Variants in PEX7 observed in about 807,000 individuals in gnomAD.
PEX7 encodes the protein peroxisomal biogenesis factor 7, also known as PTS2 receptor.
A neutral mutation model predicts 47.5 loss-of-function variants in PEX7; 34 were observed. That is an observed-to-expected ratio of 0.72 (90% CI 0.54 to 0.95). PEX7 has a LOEUF of 0.95. Among genes scored for constraint, PEX7 ranks in the 40% least tolerant of loss-of-function variants. The pLI is 0.00. For missense variants in PEX7, 394 were observed against 400.3 expected (o/e 0.98, Z 0.13); for synonymous variants, 141 against 148.8 (o/e 0.95, Z 0.38).
chr6:136,886,853 G>GTC (rs1775475350), intron 8 of PEX7, among the ~76,000 whole-genome samples: 1 of 152,090 alleles, frequency 6.6e-6, no homozygotes, highest in Non-Finnish European at 1.5e-5. Flanking sequence ...AGGAATTCGA[G>GTC]ACCAGCCTGG....
intron 8 of PEX7, among the ~76,000 whole-genome samples, chr6:136,892,422 T>C (rs140941475): frequency 4.5e-4 from 68 of 152,332 alleles, no homozygotes; most frequent in African/African-American, 1.4e-3. Context: ...TGGTGCCATC[T>C]TTTTTAGTAG....
At chr6:136,874,562 C>T (rs1001504834) in intron 8 of PEX7, among the ~76,000 whole-genome samples, 18 of 151,146 alleles carry the variant, frequency 1.2e-4, no homozygotes, top group African/African-American at 4.4e-4. Context: ...ATCCCAGCTA[C>T]TTGGGAGGCT....
chr6:136,908,156 T>A (rs1326991714), intron 9 of PEX7, among the ~76,000 whole-genome samples: 1 of 152,230 alleles, frequency 6.6e-6, no homozygotes, highest in African/African-American at 2.4e-5. Context: ...GACATAAATT[T>A]CTGTTCAGTT....
At chr6:136,892,414 G>C (rs1775571690) in intron 8 of PEX7, among the ~76,000 whole-genome samples, 1 of 152,178 alleles carries the variant, frequency 6.6e-6, no homozygotes, top group African/African-American at 2.4e-5. Flanking sequence ...AAAATGTATG[G>C]TGCCATCTTT....
intron 8 of PEX7, among the ~76,000 whole-genome samples, chr6:136,882,951 C>T (rs1049921049): frequency 6.6e-6 from 1 of 151,942 alleles, no homozygotes; most frequent in African/African-American, 2.4e-5. Context: ...GAGGTCTTAC[C>T]CTGGATCACT....
At chr6:136,861,344 A>C (rs545469778) in intron 5 of PEX7, among the ~76,000 whole-genome samples, 26 of 152,180 alleles carry the variant, frequency 1.7e-4, no homozygotes, top group African/African-American at 5.8e-4. Flanking sequence ...TGACCTTCCA[A>C]AGTGCTAGGA....
At position 136,845,537 on chromosome 6, in the gene PEX7, T is replaced by C. The variant is rs1582744536; in HGVS notation, c.340-78T>C. The C allele has an allele frequency of 3.6e-6, 3 of 832,050 alleles. No individual in the cohort carries two copies. In the South Asian group the frequency reaches 4.0e-5, roughly 11 times the overall value. The allele number at this position is 832,050 out of a possible 1,614,324, so 51.5% of individuals were successfully genotyped here. On this transcript the variant is annotated intron_variant, in intron 3 of 9. Transcript: ENST00000318471. ...AGTAAATTAGTTGTTCTGCCTCTCA[T>C]TGTTATGTAACAAGAGATAAAATGC...
chr6:136,846,117 T>A lies in PEX7; in HGVS notation c.462T>A (p.His154Gln). The change falls in exon 5 of 10, where the codon CAT becomes CAA. Residue 154 changes from histidine to glutamine, a missense_variant. By Grantham distance (24) the His-to-Gln change is conservative. Coordinates refer to ENST00000318471, the MANE Select transcript of PEX7 (RefSeq NM_000288.4). ...VGKSLCTFRGHESIIYSTIWS... is the reference protein window; with the variant it reads ...VGKSLCTFRGQESIIYSTIWS... Reference sequence around the variant, plus strand: ...AGTCTCTGTGCACCTTTAGAGGCCATGAAAGTATTATTTATAGCACAATCT... The same window carrying A: ...AGTCTCTGTGCACCTTTAGAGGCCAAGAAAGTATTATTTATAGCACAATCT... 1 of 1,613,712 alleles carries A rather than the reference T, an allele frequency of 6.2e-7. No individual in the cohort carries two copies. Among genetic ancestry groups the A allele is most frequent in the Non-Finnish European group, 8.5e-7 (1 of 1,179,678 alleles).
At chr6:136,895,632 C>G (rs1266853541) in intron 8 of PEX7, among the ~76,000 whole-genome samples, 1 of 152,230 alleles carries the variant, frequency 6.6e-6, no homozygotes. Flanking sequence ...TATGTTTCGT[C>G]CAGGGTTTTT....
intron 3 of PEX7, among the ~76,000 whole-genome samples, chr6:136,844,675 C>T (rs1774562641): frequency 6.6e-6 from 1 of 152,130 alleles, no homozygotes; most frequent in Admixed American, 6.5e-5. Context: ...CAGCCCCTGG[C>T]AAACACTACT....
chr6:136,856,183 C>T (rs968980504), intron 5 of PEX7, among the ~76,000 whole-genome samples: 1 of 150,842 alleles, frequency 6.6e-6, no homozygotes, highest in Non-Finnish European at 1.5e-5. Flanking sequence ...AACAGAATGA[C>T]TGTTTGCTTC....
At chr6:136,857,544 A>G (rs750809610) in intron 5 of PEX7, among the ~76,000 whole-genome samples, 2 of 152,234 alleles carry the variant, frequency 1.3e-5, no homozygotes, top group Non-Finnish European at 2.9e-5. Context: ...AGAAGCAGCT[A>G]GTGATGAAGA....
chr6:136,848,434 A>G (rs1774671152), intron 5 of PEX7, among the ~76,000 whole-genome samples: 1 of 152,194 alleles, frequency 6.6e-6, no homozygotes, highest in African/African-American at 2.4e-5. Flanking sequence ...TTTCAAAGGG[A>G]ATGCTTCCAG....
chr6:136,823,944 C>T (rs1287164253), intron 1 of PEX7, among the ~76,000 whole-genome samples: 1 of 152,210 alleles, frequency 6.6e-6, no homozygotes, highest in African/African-American at 2.4e-5. Context: ...TAGGTTCATT[C>T]TCGCTTTTGC....
chr6:136,908,377 A>G (rs546796121), intron 9 of PEX7, among the ~76,000 whole-genome samples: 54 of 152,342 alleles, frequency 3.5e-4, no homozygotes, highest in African/African-American at 1.3e-3. Context: ...ATCTTTTAAA[A>G]TAATAAGATT....
Position 136,855,726 on chromosome 6 carries a change from C to T in PEX7, c.526+9545C>T, listed in dbSNP as rs949294530. On this transcript the variant is annotated intron_variant, in intron 5 of 9. Transcript: ENST00000318471. ...TGTTTTCTCTGACAGGATACATGAC[C>T]ATGACAAACACCCAGTTTGCCTGAG... is the stretch of plus-strand genomic sequence containing the variant. 27 of 389,508 alleles carry T rather than the reference C, an allele frequency of 6.9e-5. 1 individual carries two copies. Among genetic ancestry groups the T allele is most frequent in the Admixed American group, 5.7e-5 (2 of 34,972 alleles). 24.1% of individuals were successfully genotyped at this position (389,508 alleles called of 1,614,324 possible).
rs989448254 is a variant in PEX7 at position 136,900,693 on chromosome 6, A to T, written c.903+2452A>T. ...CAACCAGCTTGATGGGATCCACGTC[A>T]TGTGCAGTCACCGCCAGCTGAGCCT... is the stretch of plus-strand genomic sequence containing the variant. On this transcript the variant is annotated intron_variant, in intron 9 of 9. Coordinates refer to ENST00000318471, the MANE Select transcript of PEX7 (RefSeq NM_000288.4). The surrounding 1 kb of genome is among the most constrained non-coding windows in gnomAD (Gnocchi z 4.2). 6 of 345,774 alleles carry T rather than the reference A, an allele frequency of 1.7e-5. No individual in the cohort carries two copies. The highest frequency in any genetic ancestry group is 1.1e-4 in the African/African-American group (5 of 45,664). The allele number at this position is 345,774 out of a possible 1,614,324, so 21.4% of individuals were successfully genotyped here.
At chr6:136,867,095 T>C (rs1775085599) in intron 6 of PEX7, among the ~76,000 whole-genome samples, 1 of 152,348 alleles carries the variant, frequency 6.6e-6, no homozygotes, top group East Asian at 1.9e-4. Flanking sequence ...GTTGAACTAT[T>C]GTAATTTGAT....
intron 5 of PEX7, among the ~76,000 whole-genome samples, chr6:136,857,822 G>A (rs2115195593): frequency 6.6e-6 from 1 of 152,270 alleles, no homozygotes; most frequent in South Asian, 2.1e-4. Context: ...AGCTCTGTGA[G>A]CATTACCTCT....
Sources: gnomAD v4.1 joint callset for allele counts (sites outside exome capture counted in the v4.1 genomes callset) on GRCh38, gnomAD v4.1.1 for gene constraint, Gnocchi (gnomAD v3.1) non-coding constraint, MANE v1.5 for transcripts, NCBI Gene and HGNC (gene_info 2026-07-23, HGNC 2026-07-21) for gene names.